Variants in NIPSNAP3A observed in about 807,000 individuals in gnomAD.
NIPSNAP3A encodes nipsnap homolog 3A.
Under a neutral mutation model 32.3 loss-of-function variants are expected in NIPSNAP3A, and 27 were observed. The observed-to-expected ratio is 0.84, with a 90% CI of 0.62 to 1.15. The LOEUF (loss-of-function observed/expected upper bound fraction) is 1.15, where lower values mean the gene tolerates loss of function less well. Ranked by LOEUF, NIPSNAP3A falls within the 50% of genes most tolerant of loss-of-function variation. The pLI, the probability that NIPSNAP3A is intolerant of heterozygous loss-of-function variation, is 0.00. For missense variants in NIPSNAP3A, 278 were observed against 297.2 expected (o/e 0.94, Z 0.48); for synonymous variants, 108 against 107.3 (o/e 1.01, Z -0.04).
At chr9:104,758,125 A>G (rs1165749258) in intron 4 of NIPSNAP3A, among the ~76,000 whole-genome samples, 1 of 152,134 alleles carries the variant, frequency 6.6e-6, no homozygotes, top group East Asian at 1.9e-4. Context: ...TATTGGAAAT[A>G]GTCTAAATAG....
At chr9:104,753,976 A>G (rs1182095254) in intron 3 of NIPSNAP3A, 1 of 152,850 alleles carries the variant, frequency 6.5e-6, no homozygotes, top group African/African-American at 2.4e-5. Flanking sequence ...AGTGTACAAT[A>G]CTTTTCAAGT....
chr9:104,758,536 C>G (rs376137514), intron 4 of NIPSNAP3A, among the ~76,000 whole-genome samples: 1 of 152,120 alleles, frequency 6.6e-6, no homozygotes, highest in African/African-American at 2.4e-5. Context: ...TTCCAGCCTT[C>G]TATTTCTTCA....
chr9:104,751,032 C>T lies in NIPSNAP3A; in HGVS notation c.137C>T (p.Pro46Leu). The change falls in exon 2 of 6, where the codon CCC becomes CTC. Residue 46 changes from proline (P) to leucine (L), a missense_variant. Physicochemically the swap from Pro to Leu is moderately conservative, Grantham distance 98 (BLOSUM62 -3). Transcript: ENST00000374767. The stretch of plus-strand genomic sequence containing the variant: ...GAATTTCGTTCTTATTACCTTAAGC[C>T]CTCAAAGATGAATGAGTTCCTGGAA... ...FYEFRSYYLK[P>L]SKMNEFLENF... is the part of the protein sequence containing the mutation. 1 of 1,613,960 alleles carries T rather than the reference C, an allele frequency of 6.2e-7. No homozygotes were observed. Among genetic ancestry groups the T allele is most frequent in the East Asian group, 2.2e-5 (1 of 44,860 alleles).
At chr9:104,752,492 G>T (rs1380093064) in intron 2 of NIPSNAP3A, among the ~76,000 whole-genome samples, 1 of 152,226 alleles carries the variant, frequency 6.6e-6, no homozygotes, top group African/African-American at 2.4e-5. Context: ...AGTAAGAATA[G>T]TTCACATATA....
intron 4 of NIPSNAP3A, among the ~76,000 whole-genome samples, 173 bp from the exon 5 acceptor site, chr9:104,758,912 G>C (rs1827938262): frequency 7.1e-6 from 1 of 140,456 alleles, no homozygotes; most frequent in Non-Finnish European, 1.5e-5. Flanking sequence ...AGATGTTGCA[G>C]TGAGCCGAGA....
At chr9:104,753,109 C>T (rs558000056) in intron 3 of NIPSNAP3A, 45 bp downstream of exon 3, 1 of 1,499,352 alleles carries the variant, frequency 6.7e-7, no homozygotes, top group East Asian at 2.3e-5. Flanking sequence ...GAATAAAATA[C>T]TAAAGAACTT....
chr9:104,755,781 TG>T (rs1827899377), intron 4 of NIPSNAP3A, among the ~76,000 whole-genome samples: 1 of 152,042 alleles, frequency 6.6e-6, no homozygotes, highest in Non-Finnish European at 1.5e-5. Flanking sequence ...TAGTTGGGCA[TG>T]GTGGCAAACA....
In NIPSNAP3A at chr9:104,759,347, T is replaced by C. The variant is rs778335560; in HGVS notation, c.*9T>C. On this transcript the variant is annotated 3_prime_UTR_variant, in exon 6 of 6. Transcript: ENST00000374767. ...TTTCACCACTGAAATAGTTTTCTACTGAAATACAAAACATTTCATTAACTG... is the reference window on the plus strand; with the variant it reads ...TTTCACCACTGAAATAGTTTTCTACCGAAATACAAAACATTTCATTAACTG... 1.9e-6 allele frequency: 3 copies of C among 1,611,194 alleles called. No individual in the cohort carries two copies. The highest frequency in any genetic ancestry group is 2.2e-5 in the South Asian group (2 of 90,962).
At chr9:104,749,483 T>C (rs1180198517) in intron 1 of NIPSNAP3A, among the ~76,000 whole-genome samples, 1 of 152,248 alleles carries the variant, frequency 6.6e-6, no homozygotes, top group Non-Finnish European at 1.5e-5. Context: ...ACAGACATAC[T>C]GGCTAGTCAG....
chr9:104,753,155 A>G, intron 3 of NIPSNAP3A, 91 bp downstream of exon 3: 2 of 1,047,860 alleles, frequency 1.9e-6, no homozygotes, highest in Non-Finnish European at 1.5e-6. Flanking sequence ...GGAAAAAAAT[A>G]AAATTAATTC....
chr9:104,753,158 A>G lies in NIPSNAP3A; in HGVS notation c.430+94A>G, dbSNP rs1827866969. 2.9e-6 allele frequency: 3 copies of G among 1,027,370 alleles called. No individual in the cohort carries two copies. In the African/African-American group the frequency reaches 4.8e-5, roughly 16 times the overall value. 63.6% of individuals were successfully genotyped at this position (1,027,370 alleles called of 1,614,324 possible). On this transcript the variant is annotated intron_variant, in intron 3 of 5. Coordinates refer to ENST00000374767, the MANE Select transcript of NIPSNAP3A (RefSeq NM_015469.3). ...TGAAGTTCCTTTGGAAAAAAATAAA[A>G]TTAATTCTTTGTTTTATATAGAAAC...
intron 3 of NIPSNAP3A, 58 bp downstream of exon 3, chr9:104,753,122 G>A: frequency 7.1e-7 from 1 of 1,415,030 alleles, no homozygotes; most frequent in African/African-American, 1.4e-5. Flanking sequence ...AAGAACTTAA[G>A]TGATCAAAAC....
chr9:104,759,223 C>G (rs185055325), intron 5 of NIPSNAP3A, 39 bp from the exon 6 acceptor site: 36 of 1,613,908 alleles, frequency 2.2e-5, no homozygotes, highest in Middle Eastern at 3.3e-4. Context: ...GTGTTTCAGT[C>G]AGTAACTCTA....
At position 104,752,927 on chromosome 9, in the gene NIPSNAP3A, A is replaced by C; in HGVS notation, c.293A>C (p.Glu98Ala). 1.2e-6 allele frequency: 2 copies of C among 1,613,216 alleles called. No individual in the cohort carries two copies. The highest frequency in any genetic ancestry group is 1.7e-6 in the Non-Finnish European group (2 of 1,179,270). Residue 98 changes from glutamate (E) to alanine (A), a missense_variant, in exon 3 of 6, where the codon GAA becomes GCA. Transcript: ENST00000374767. ...ACAGATAATTTTGCTCATCGAACTG[A>C]AGTTCGGAAAGCCTTGGCCAAAGAT... ...WKYDNFAHRTEVRKALAKDKE... is the reference protein window; with the variant it reads ...WKYDNFAHRTAVRKALAKDKE...
chr9:104,751,138 G>T lies in NIPSNAP3A; in HGVS notation c.243G>T (p.Met81Ile). Residue 81 changes from methionine to isoleucine, a missense_variant, in exon 2 of 6, where the codon ATG (methionine) becomes ATT (isoleucine). Coordinates refer to ENST00000374767, the MANE Select transcript of NIPSNAP3A (RefSeq NM_015469.3). ...GGAGTGTAGAATTTGGAGGCAGAAT[G>T]AATACAGTGTTTCATATTTGGAAGT... ...GYWSVEFGGR[M>I]NTVFHIWKYD... 6.2e-7 allele frequency: 1 copy of T among 1,613,596 alleles called. No homozygotes were observed. Among genetic ancestry groups the T allele is most frequent in the Non-Finnish European group, 8.5e-7 (1 of 1,179,580 alleles).
At chr9:104,755,204 G>A (rs1468220885) in intron 4 of NIPSNAP3A, among the ~76,000 whole-genome samples, 2 of 150,652 alleles carry the variant, frequency 1.3e-5, no homozygotes, top group Non-Finnish European at 2.9e-5. Context: ...TCGTGCCATC[G>A]CACTCCAGCC....
chr9:104,748,443 G>C (rs1313637237), intron 1 of NIPSNAP3A, among the ~76,000 whole-genome samples: 2 of 152,180 alleles, frequency 1.3e-5, no homozygotes, highest in African/African-American at 2.4e-5. Flanking sequence ...TCGTGTGGTC[G>C]CTCCCCCAAC....
In NIPSNAP3A at chr9:104,759,089, T is replaced by C. The variant is rs1213899246; in HGVS notation, c.585T>C (p.His195=). 1 of 1,611,160 alleles carries C rather than the reference T, an allele frequency of 6.2e-7. No homozygotes were observed. Among genetic ancestry groups the C allele is most frequent in the African/African-American group, 1.3e-5 (1 of 74,988 alleles). The part of the protein sequence containing the change: ...HTEYGALNRV[H]VLWWNESADS... ...ACTTGTGGTTTATTTCTGCAGTTCA[T>C]GTTCTTTGGTGGAATGAGAGTGCAG... Residue 195 remains histidine (H), a synonymous_variant, in exon 5 of 6, where the codon CAT becomes CAC. Coordinates refer to ENST00000374767, the MANE Select transcript of NIPSNAP3A (RefSeq NM_015469.3).
In NIPSNAP3A at chr9:104,759,071, G is replaced by C. The variant is rs778926547; in HGVS notation, c.581-14G>C. 6.2e-7 allele frequency: 1 copy of C among 1,607,012 alleles called. No individual in the cohort carries two copies. The highest frequency in any genetic ancestry group is 1.3e-5 in the African/African-American group (1 of 74,562). ...CCATATTTTTTAGAAGCTACTTGTGGTTTATTTCTGCAGTTCATGTTCTTT... is the reference window on the plus strand; with the variant it reads ...CCATATTTTTTAGAAGCTACTTGTGCTTTATTTCTGCAGTTCATGTTCTTT... On this transcript the variant is annotated splice_polypyrimidine_tract_variant and intron_variant, in intron 4 of 5. Transcript: ENST00000374767.
Sources: allele counts gnomAD v4.1 joint callset (sites outside exome capture counted in the v4.1 genomes callset), GRCh38; gene constraint gnomAD v4.1.1; transcripts MANE v1.5; gene names NCBI Gene and HGNC (gene_info 2026-07-23, HGNC 2026-07-21).